Variants in MECOM observed in about 807,000 individuals in gnomAD.
MECOM encodes MDS1 and EVI1 complex locus.
Under a neutral mutation model 116.3 loss-of-function variants are expected in MECOM, and 13 were observed. The ratio of observed to expected loss-of-function variants is 0.11; its 90% CI spans 0.07 to 0.18. The LOEUF is 0.18. Ranked by LOEUF, MECOM falls within the 10% of genes least tolerant of loss-of-function variation. The pLI is 1.00. For synonymous variants in MECOM, 528 were observed against 535.2 expected (o/e 0.99, Z 0.19); for missense variants, 1,299 against 1,509.0 (o/e 0.86, Z 2.31).
At position 169,127,969 on chromosome 3, in the gene MECOM, A is replaced by T. The variant is rs909691364; in HGVS notation, c.705T>A (p.Pro235=). 2.5e-6 allele frequency: 4 copies of T among 1,613,950 alleles called. No individual in the cohort carries two copies. The highest frequency in any genetic ancestry group is 3.4e-6 in the Non-Finnish European group (4 of 1,179,942). Residue 235 remains proline, a synonymous_variant, in exon 5 of 17, where the codon CCT becomes CCA. Coordinates refer to ENST00000651503, the MANE Select transcript of MECOM (RefSeq NM_004991.4). ...ADHQKFPCST[P]HSAFSMVEED... is the part of the protein sequence containing the mutation. ...CTTCAACCATTGAAAATGCTGAGTG[A>T]GGAGTACTGCATGGAAACTTTTGGT...
intron 1 of MECOM, among the ~76,000 whole-genome samples, chr3:169,658,842 G>A (rs1775858235): frequency 6.6e-6 from 1 of 152,112 alleles, no homozygotes; most frequent in Non-Finnish European, 1.5e-5. Context: ...CCCGCTTCCA[G>A]CGGAGGCAAC....
chr3:169,258,088 T>C (rs904361079), intron 2 of MECOM, among the ~76,000 whole-genome samples: 6 of 152,104 alleles, frequency 3.9e-5, no homozygotes, highest in South Asian at 4.1e-4. Flanking sequence ...GGGCTGGTGG[T>C]GCGCTCCTGT....
At chr3:169,235,006 G>A (rs1431830799) in intron 2 of MECOM, among the ~76,000 whole-genome samples, 3 of 152,144 alleles carry the variant, frequency 2.0e-5, no homozygotes, top group Admixed American at 6.5e-5. Context: ...GCTTTTCAAA[G>A]TATATATTTG....
chr3:169,503,196 T>C (rs73042808), intron 1 of MECOM, among the ~76,000 whole-genome samples: 3,955 of 152,248 alleles, frequency 0.026, 175 homozygotes, highest in African/African-American at 0.091. Flanking sequence ...ATTAAAACTA[T>C]TATCTAAAGC....
chr3:169,245,029 C>G (rs1283898069), intron 2 of MECOM, among the ~76,000 whole-genome samples: 1 of 152,130 alleles, frequency 6.6e-6, no homozygotes, highest in Non-Finnish European at 1.5e-5. Flanking sequence ...CCAGGCCAAG[C>G]AGCTGCTTAA....
chr3:169,632,304 C>T (rs1426728073), intron 1 of MECOM, among the ~76,000 whole-genome samples: 2 of 151,922 alleles, frequency 1.3e-5, no homozygotes, highest in African/African-American at 4.8e-5. Context: ...AAAATAGGTG[C>T]TAAAAATTCC....
intron 2 of MECOM, among the ~76,000 whole-genome samples, chr3:169,378,581 AGAAAGTAAGTAAGT>A (rs1382830029): frequency 3.1e-5 from 2 of 64,510 alleles, no homozygotes; most frequent in Non-Finnish European, 7.6e-5. Flanking sequence ...AAAGAAAGAA[AGAAAGTAAGTAAGT>A]AAGTTTGGGG....
At chr3:169,309,353 A>G (rs958001580) in intron 2 of MECOM, among the ~76,000 whole-genome samples, 2 of 152,254 alleles carry the variant, frequency 1.3e-5, no homozygotes, top group African/African-American at 4.8e-5. Context: ...TATAAAAATT[A>G]TCAGAGAATT....
At chr3:169,552,835 G>A (rs773629944) in intron 1 of MECOM, among the ~76,000 whole-genome samples, 37 of 136,872 alleles carry the variant, frequency 2.7e-4, no homozygotes, top group South Asian at 6.3e-4. Context: ...GAAGTGGGGC[G>A]GTGCCATCCC....
At chr3:169,595,480 T>C (rs532746597) in intron 1 of MECOM, among the ~76,000 whole-genome samples, 23 of 152,306 alleles carry the variant, frequency 1.5e-4, no homozygotes, top group African/African-American at 5.3e-4. Flanking sequence ...ACTGGAAACA[T>C]TGTCTACTAA....
At chr3:169,389,330 G>A (rs764949524) in intron 1 of MECOM, among the ~76,000 whole-genome samples, 2 of 152,156 alleles carry the variant, frequency 1.3e-5, no homozygotes, top group African/African-American at 4.8e-5. Context: ...AAGAGCTAAC[G>A]CAAAGACATT....
At chr3:169,100,189 C>G (rs1423150354) in intron 12 of MECOM, among the ~76,000 whole-genome samples, 1 of 150,336 alleles carries the variant, frequency 6.7e-6, no homozygotes, top group Non-Finnish European at 1.5e-5. Context: ...ACCTCCACCT[C>G]CCAGGTGCAG....
In MECOM at chr3:169,425,484, A is replaced by T. The variant is rs764184063; in HGVS notation, c.38-43960T>A. On this transcript the variant is annotated intron_variant, in intron 1 of 16. Transcript: ENST00000651503. ...TTTACAGAAATAAGATTATGCAAGAAAATGTATCTAATAAAGAGACAACTC... is the reference window on the plus strand; with the variant it reads ...TTTACAGAAATAAGATTATGCAAGATAATGTATCTAATAAAGAGACAACTC... 4.7e-4 allele frequency among the ~76,000 whole-genome samples: 71 copies of T among 152,314 alleles called. 1 individual carries two copies. The highest frequency in any genetic ancestry group is 8.8e-4 in the Non-Finnish European group (60 of 68,026).
At chr3:169,186,212 A>G (rs1343317026) in intron 2 of MECOM, among the ~76,000 whole-genome samples, 1 of 152,078 alleles carries the variant, frequency 6.6e-6, no homozygotes, top group Non-Finnish European at 1.5e-5. Context: ...TACCTAGCTT[A>G]GATGAGTAGT....
chr3:169,484,933 C>T (rs1045636171), intron 1 of MECOM, among the ~76,000 whole-genome samples: 2 of 152,106 alleles, frequency 1.3e-5, no homozygotes, highest in Non-Finnish European at 2.9e-5. Context: ...TGCCTATTAA[C>T]GGGGCTTCAA....
chr3:169,538,463 G>A (rs1759657301), intron 1 of MECOM, among the ~76,000 whole-genome samples: 1 of 152,194 alleles, frequency 6.6e-6, no homozygotes, highest in Admixed American at 6.5e-5. Context: ...TGATGACTAA[G>A]TGAAAGCAAG....
intron 1 of MECOM, among the ~76,000 whole-genome samples, chr3:169,559,708 G>A (rs1345469): frequency 0.22 from 33,546 of 151,964 alleles, 4,717 homozygotes; most frequent in East Asian, 0.7. Flanking sequence ...TTTAAGTAAC[G>A]TAAGTGCCTA....
At chr3:169,618,525 C>T (rs1005887758) in intron 1 of MECOM, among the ~76,000 whole-genome samples, 2 of 151,996 alleles carry the variant, frequency 1.3e-5, no homozygotes, top group Admixed American at 6.6e-5. Context: ...GTCATGGTGG[C>T]GCGCGCCCGT....
chr3:169,113,706 A>T (rs1483541794), intron 8 of MECOM, among the ~76,000 whole-genome samples: 1 of 152,114 alleles, frequency 6.6e-6, no homozygotes, highest in East Asian at 1.9e-4. Flanking sequence ...CTTGGTAATT[A>T]AAAAAACTTT....
Sources: allele counts gnomAD v4.1 joint callset (sites outside exome capture counted in the v4.1 genomes callset), GRCh38; gene constraint gnomAD v4.1.1; transcripts MANE v1.5; gene names NCBI Gene and HGNC (gene_info 2026-07-23, HGNC 2026-07-21).